ADARB2: variants seen among roughly 807,000 people sequenced by gnomAD.
ADARB2 encodes adenosine deaminase RNA specific B2 (inactive).
In ADARB2, 25 loss-of-function variants were observed where a neutral mutation model predicts 62.2. The ratio of observed to expected loss-of-function variants is 0.40; its 90% CI spans 0.29 to 0.56. The LOEUF is 0.56. ADARB2 is among the 20% of genes least tolerant of loss of function. ADARB2 has a pLI of 0.43. For missense variants in ADARB2, 1,071 were observed against 1,077.4 expected, an observed-to-expected ratio of 0.99 and a Z score of 0.08; for synonymous variants, 572 against 500.8, an observed-to-expected ratio of 1.14 and a Z score of -1.90.
intron 1 of ADARB2, among the ~76,000 whole-genome samples, chr10:1,663,508 A>T (rs1011666234): frequency 6.6e-6 from 1 of 152,070 alleles, no homozygotes; most frequent in Admixed American, 6.5e-5. Context: ...CGCTCTTTTC[A>T]GAACATCATA....
chr10:1,510,098 T>TTCTTTCTCTCTC (rs1564312423), intron 1 of ADARB2, among the ~76,000 whole-genome samples: 3 of 121,342 alleles, frequency 2.5e-5, no homozygotes, highest in East Asian at 2.2e-4. Context: ...TCTCTCTCTT[T>TTCTTTCTCTCTC]TCTTTCTTTC....
At chr10:1,685,661 A>G (rs1834588970) in intron 1 of ADARB2, among the ~76,000 whole-genome samples, 1 of 152,224 alleles carries the variant, frequency 6.6e-6, no homozygotes, top group African/African-American at 2.4e-5. Flanking sequence ...CACTTTGCAT[A>G]CAGCACAAAG....
chr10:1,291,270 G>A (rs952303908), intron 3 of ADARB2: 3 of 152,200 alleles, frequency 2.0e-5, no homozygotes, highest in East Asian at 3.9e-4. Flanking sequence ...AGACCTCTTT[G>A]TCCCATGACT....
chr10:1,493,867 TC>T (rs922635853), intron 1 of ADARB2, among the ~76,000 whole-genome samples: 13 of 148,570 alleles, frequency 8.8e-5, no homozygotes, highest in African/African-American at 3.2e-4. Flanking sequence ...GAAGCGGTTC[TC>T]CCGCCTCAGC....
At chr10:1,498,122 C>T (rs1379181031) in intron 1 of ADARB2, among the ~76,000 whole-genome samples, 6 of 152,064 alleles carry the variant, frequency 3.9e-5, no homozygotes, top group African/African-American at 7.2e-5. Context: ...CTTGTAATCC[C>T]GGCACTTTGG....
At chr10:1,305,471 G>T (rs1411758537) in intron 3 of ADARB2, among the ~76,000 whole-genome samples, 1 of 151,550 alleles carries the variant, frequency 6.6e-6, no homozygotes. Context: ...TCTACCAGAG[G>T]TACAAGGAGG....
At chr10:1,206,947 G>C (rs964044912) in intron 7 of ADARB2, among the ~76,000 whole-genome samples, 7 of 152,228 alleles carry the variant, frequency 4.6e-5, no homozygotes, top group Admixed American at 4.6e-4. Flanking sequence ...TGGTGCAGGA[G>C]GGCAGAGCCG....
At chr10:1,733,850 T>C (rs1306699965) in intron 1 of ADARB2, among the ~76,000 whole-genome samples, 1 of 152,164 alleles carries the variant, frequency 6.6e-6, no homozygotes, top group Non-Finnish European at 1.5e-5. Context: ...TGATGGCAGG[T>C]AACAGTCTCC....
At chr10:1,420,934 G>T (rs781276639) in intron 1 of ADARB2, among the ~76,000 whole-genome samples, 1 of 152,076 alleles carries the variant, frequency 6.6e-6, no homozygotes, top group Non-Finnish European at 1.5e-5. Flanking sequence ...CAATGAAAGC[G>T]AAATGTTCCT....
At chr10:1,507,438 C>G (rs1157522256) in intron 1 of ADARB2, among the ~76,000 whole-genome samples, 1 of 152,236 alleles carries the variant, frequency 6.6e-6, no homozygotes, top group Non-Finnish European at 1.5e-5. Context: ...ATCCACACAC[C>G]CCAGCTTCTG....
intron 7 of ADARB2, among the ~76,000 whole-genome samples, chr10:1,213,637 ACT>A (rs1368374622): frequency 6.6e-6 from 1 of 152,160 alleles, no homozygotes; most frequent in African/African-American, 2.4e-5. Flanking sequence ...AGGAATTCTC[ACT>A]CTAGCTGCCC....
intron 1 of ADARB2, among the ~76,000 whole-genome samples, chr10:1,502,954 A>AT (rs202018471): frequency 0.01 from 1,567 of 152,158 alleles, 12 homozygotes; most frequent in Non-Finnish European, 0.016. Context: ...TCATTTCCTT[A>AT]TTTTTTGCGG....
chr10:1,248,155 C>G (rs1264034846), intron 4 of ADARB2, among the ~76,000 whole-genome samples: 1 of 152,168 alleles, frequency 6.6e-6, no homozygotes, highest in South Asian at 2.1e-4. Flanking sequence ...TACTGAGGTC[C>G]CGTCTCCAGC....
At chr10:1,482,908 T>G (rs535077743) in intron 1 of ADARB2, among the ~76,000 whole-genome samples, 2 of 152,308 alleles carry the variant, frequency 1.3e-5, no homozygotes, top group East Asian at 3.9e-4. Flanking sequence ...AAATTTTCTT[T>G]ATACTTGGGC....
intron 1 of ADARB2, among the ~76,000 whole-genome samples, chr10:1,639,981 A>G (rs1417427572): frequency 2.6e-5 from 4 of 152,210 alleles, no homozygotes. Flanking sequence ...ACCACTCAGA[A>G]AAAAACTTCA....
chr10:1,643,873 G>A (rs1482872417), intron 1 of ADARB2, among the ~76,000 whole-genome samples: 1 of 152,190 alleles, frequency 6.6e-6, no homozygotes, highest in Admixed American at 6.5e-5. Context: ...AAGGTGCCTG[G>A]TGGATTAGGC....
At chr10:1,297,426 G>T (rs376226687) in intron 3 of ADARB2, among the ~76,000 whole-genome samples, 109 of 152,310 alleles carry the variant, frequency 7.2e-4, no homozygotes, top group African/African-American at 2.5e-3. Context: ...TTTAGCCGTT[G>T]AAATGGTACC....
At position 1,363,018 on chromosome 10, in the gene ADARB2, C is replaced by T; in HGVS notation, c.1077+10G>A. ...CCGCCCGTTCCCCCTGCACCCGCCG[C>T]GCCCCTCACCTGCGGCATTGGCGTC... On this transcript the variant is annotated intron_variant, in intron 3 of 9. Coordinates refer to ENST00000381312, the MANE Select transcript of ADARB2 (RefSeq NM_018702.4). 7.4e-7 allele frequency: 1 copy of T among 1,353,912 alleles called. No individual in the cohort carries two copies. The highest frequency in any genetic ancestry group is 9.5e-7 in the Non-Finnish European group (1 of 1,050,800). The allele number at this position is 1,353,912 out of a possible 1,614,324, so 83.9% of individuals were successfully genotyped here.
At chr10:1,474,131 A>G (rs1831366233) in intron 1 of ADARB2, among the ~76,000 whole-genome samples, 1 of 7,802 alleles carries the variant, frequency 1.3e-4, no homozygotes, top group African/African-American at 1.5e-4. Flanking sequence ...TGAATGTCTC[A>G]GGCTTGATTC....
Sources: gnomAD v4.1 joint callset for allele counts (sites outside exome capture counted in the v4.1 genomes callset) on GRCh38, gnomAD v4.1.1 for gene constraint, MANE v1.5 for transcripts, NCBI Gene and HGNC (gene_info 2026-07-23, HGNC 2026-07-21) for gene names.